DPP10: variants seen among roughly 807,000 people sequenced by gnomAD.
DPP10 encodes the protein dipeptidyl peptidase like 10, also known as inactive dipeptidyl peptidase 10.
In DPP10, 33 loss-of-function variants were observed where a neutral mutation model predicts 120.9. That is an observed-to-expected ratio of 0.27 (90% CI 0.21 to 0.37). The LOEUF is 0.37. Ranked by LOEUF, DPP10 falls within the 10% of genes least tolerant of loss-of-function variation. The pLI is 1.00. For missense variants in DPP10, 816 were observed against 942.8 expected (o/e 0.87, Z 1.76); for synonymous variants, 337 against 326.1 (o/e 1.03, Z -0.36).
chr2:115,477,250 C>T (rs2075146224), intron 3 of DPP10, among the ~76,000 whole-genome samples: 1 of 152,054 alleles, frequency 6.6e-6, no homozygotes, highest in South Asian at 2.1e-4. Context: ...ATGATGTGGT[C>T]TTAGAAAATT....
intron 1 of DPP10, among the ~76,000 whole-genome samples, chr2:114,673,637 G>C (rs1209352484): frequency 1.3e-5 from 2 of 151,954 alleles, no homozygotes; most frequent in Non-Finnish European, 2.9e-5. Flanking sequence ...TGTATTTTTA[G>C]TAGAGATCGG....
At chr2:114,679,846 C>A (rs1395217901) in intron 1 of DPP10, among the ~76,000 whole-genome samples, 2 of 151,970 alleles carry the variant, frequency 1.3e-5, no homozygotes, top group African/African-American at 4.8e-5. Flanking sequence ...ACTTCTACTA[C>A]AGTACCCTTA....
chr2:115,423,947 C>G (rs1029245380), intron 3 of DPP10, among the ~76,000 whole-genome samples: 3 of 152,040 alleles, frequency 2.0e-5, no homozygotes, highest in African/African-American at 7.2e-5. Context: ...ATGCCAAACT[C>G]CTCAGGTACA....
intron 12 of DPP10, among the ~76,000 whole-genome samples, chr2:115,766,260 A>G (rs907525223): frequency 2.0e-5 from 3 of 147,410 alleles, no homozygotes; most frequent in Non-Finnish European, 3.0e-5. Context: ...GTATGGATAC[A>G]ATGAACAAAA....
chr2:114,808,751 C>T (rs930312648), intron 1 of DPP10, among the ~76,000 whole-genome samples: 3 of 152,010 alleles, frequency 2.0e-5, no homozygotes, highest in African/African-American at 7.3e-5. Flanking sequence ...CACCTGGGAC[C>T]CTTGTACCTG....
At chr2:115,396,838 A>C (rs2106565360) in intron 3 of DPP10, among the ~76,000 whole-genome samples, 1 of 152,280 alleles carries the variant, frequency 6.6e-6, no homozygotes, top group African/African-American at 2.4e-5. Context: ...ATATATCATT[A>C]AAGGAAAAAC....
intron 1 of DPP10, among the ~76,000 whole-genome samples, chr2:114,856,408 G>A (rs915337448): frequency 2.8e-4 from 42 of 152,186 alleles, no homozygotes; most frequent in East Asian, 7.7e-4. Flanking sequence ...CTAAGTTTAC[G>A]TAGAGACAAT....
rs142722051 is a variant in DPP10, at chr2:115,073,349, G to T, written c.61-235890G>T. On this transcript the variant is annotated intron_variant, in intron 1 of 25. Coordinates refer to ENST00000410059, the MANE Select transcript of DPP10 (RefSeq NM_020868.6). ...AGTTATGTTTTTAAAATCCCCACTG[G>T]TCAATTGCATGCATAGCCAAAGTGG... Among the ~76,000 whole-genome samples, 527 of 152,292 alleles carry T rather than the reference G, an allele frequency of 3.5e-3. 7 individuals are homozygous for T. Among genetic ancestry groups the T allele is most frequent in the Non-Finnish European group, 3.7e-3 (249 of 68,036 alleles).
At chr2:115,540,796 AC>A (rs765715673) in intron 5 of DPP10, among the ~76,000 whole-genome samples, 9 of 151,886 alleles carry the variant, frequency 5.9e-5, no homozygotes, top group Non-Finnish European at 1.3e-4. Context: ...TGTTATTATT[AC>A]TTTTCTCTTC....
intron 3 of DPP10, among the ~76,000 whole-genome samples, chr2:115,355,179 A>C (rs1416791179): frequency 6.6e-6 from 1 of 152,044 alleles, no homozygotes; most frequent in Non-Finnish European, 1.5e-5. Flanking sequence ...AGTGTAAGTA[A>C]TTGTAAAAGT....
chr2:115,657,461 G>A (rs943022025), intron 5 of DPP10, among the ~76,000 whole-genome samples: 39 of 151,722 alleles, frequency 2.6e-4, no homozygotes, highest in African/African-American at 9.2e-4. Flanking sequence ...CTTCTCTTAA[G>A]ACATTATTTA....
At chr2:115,751,422 C>G (rs887129253) in intron 10 of DPP10, among the ~76,000 whole-genome samples, 3 of 152,150 alleles carry the variant, frequency 2.0e-5, no homozygotes, top group Admixed American at 2.0e-4. Context: ...ATATTTGATT[C>G]AATGTTGCCT....
intron 10 of DPP10, among the ~76,000 whole-genome samples, chr2:115,746,526 T>C (rs150852889): frequency 4.3e-4 from 66 of 152,310 alleles, no homozygotes; most frequent in African/African-American, 1.5e-3. Context: ...AAGGTGTTCA[T>C]TAAAAGTGTA....
At chr2:115,544,884 T>C (rs1401956471) in intron 5 of DPP10, among the ~76,000 whole-genome samples, 1 of 152,116 alleles carries the variant, frequency 6.6e-6, no homozygotes, top group Non-Finnish European at 1.5e-5. Flanking sequence ...TCGTATTTTC[T>C]GTTTGTTAAA....
At chr2:114,837,022 T>C (rs1687793847) in intron 1 of DPP10, among the ~76,000 whole-genome samples, 1 of 152,204 alleles carries the variant, frequency 6.6e-6, no homozygotes, top group Admixed American at 6.5e-5. Flanking sequence ...CCAGATTTCA[T>C]ATTGTTCAAA....
chr2:114,964,350 G>T (rs72834108), intron 1 of DPP10, among the ~76,000 whole-genome samples: 17,677 of 151,830 alleles, frequency 0.12, 1,092 homozygotes, highest in Middle Eastern at 0.21. Context: ...TTCCTCTAGG[G>T]AGCTCACATT....
intron 1 of DPP10, among the ~76,000 whole-genome samples, chr2:114,864,904 C>A (rs759341189): frequency 1.3e-5 from 2 of 152,060 alleles, no homozygotes; most frequent in Non-Finnish European, 2.9e-5. Context: ...TCTTGGGAAA[C>A]AACGGTAATC....
At chr2:115,827,511 T>TTATGC (rs1318459408) in intron 21 of DPP10, among the ~76,000 whole-genome samples, 1 of 145,662 alleles carries the variant, frequency 6.9e-6, no homozygotes, top group Non-Finnish European at 1.5e-5. Context: ...GTCATACATT[T>TTATGC]TATGCTACAT....
At chr2:115,051,704 T>C (rs1160114051) in intron 1 of DPP10, among the ~76,000 whole-genome samples, 3 of 152,172 alleles carry the variant, frequency 2.0e-5, no homozygotes, top group Non-Finnish European at 4.4e-5. Flanking sequence ...AGACAATTTA[T>C]GGCAGTAACA....
Sources: allele counts gnomAD v4.1 joint callset (sites outside exome capture counted in the v4.1 genomes callset), GRCh38; gene constraint gnomAD v4.1.1; transcripts MANE v1.5; gene names NCBI Gene and HGNC (gene_info 2026-07-23, HGNC 2026-07-21).